INPP4B: variants seen among roughly 807,000 people sequenced by gnomAD.
INPP4B encodes the protein inositol polyphosphate-4-phosphatase type II B.
A neutral mutation model predicts 122.5 loss-of-function variants in INPP4B; 55 were observed. That is an observed-to-expected ratio of 0.45 (90% CI 0.36 to 0.56). The LOEUF is 0.56. Ranked by LOEUF, INPP4B falls within the 20% of genes least tolerant of loss-of-function variation. INPP4B has a pLI of 0.00. For missense variants in INPP4B, 1,000 were observed against 1,097.7 expected, an observed-to-expected ratio of 0.91 and a Z score of 1.26; for synonymous variants, 403 against 388.7, an observed-to-expected ratio of 1.04 and a Z score of -0.43.
intron 15 of INPP4B, among the ~76,000 whole-genome samples, chr4:142,183,908 G>T (rs1831994428): frequency 6.6e-6 from 1 of 151,634 alleles, no homozygotes; most frequent in Non-Finnish European, 1.5e-5. Flanking sequence ...TCTTCTTGTT[G>T]ATTTTTTTTT....
chr4:142,757,852 A>G (rs1770729776), intron 1 of INPP4B, among the ~76,000 whole-genome samples: 2 of 152,168 alleles, frequency 1.3e-5, no homozygotes, highest in Non-Finnish European at 2.9e-5. Context: ...AAGCATTTTC[A>G]CTATTTTGTA....
intron 23 of INPP4B, among the ~76,000 whole-genome samples, chr4:142,097,284 C>T (rs932386097): frequency 3.6e-4 from 27 of 74,380 alleles, no homozygotes; most frequent in Non-Finnish European, 6.6e-4. Flanking sequence ...GACGGAGTTT[C>T]GCTCTTGTTG....
At chr4:142,108,968 A>G (rs1232933843) in intron 22 of INPP4B, among the ~76,000 whole-genome samples, 1 of 152,138 alleles carries the variant, frequency 6.6e-6, no homozygotes, top group African/African-American at 2.4e-5. Flanking sequence ...ACTCCACTTC[A>G]AATATAACAT....
chr4:142,457,640 A>C lies in INPP4B; in HGVS notation c.-127+5023T>G, dbSNP rs192667119. Among the ~76,000 whole-genome samples the C allele has an allele frequency of 3.8e-3, 585 of 152,356 alleles. 4 individuals are homozygous for C. Among genetic ancestry groups the C allele is most frequent in the Admixed American group, 0.011 (170 of 15,302 alleles). Reference sequence around the variant, plus strand: ...ACTATCAATCATTCTCAAGACTGACAATACCAATCTCTGGTAAGGGTGTTA... The same window carrying C: ...ACTATCAATCATTCTCAAGACTGACCATACCAATCTCTGGTAAGGGTGTTA... On this transcript the variant is annotated intron_variant, in intron 3 of 25. Transcript: ENST00000262992.
intron 2 of INPP4B, among the ~76,000 whole-genome samples, chr4:142,579,076 G>A (rs1198397248): frequency 6.6e-6 from 1 of 151,958 alleles, no homozygotes; most frequent in Non-Finnish European, 1.5e-5. Context: ...GAACATCTGC[G>A]TTCATTTATT....
At chr4:142,127,977 T>C (rs1212800870) in intron 18 of INPP4B, among the ~76,000 whole-genome samples, 1 of 152,076 alleles carries the variant, frequency 6.6e-6, no homozygotes, top group South Asian at 2.1e-4. Context: ...TTTGCTCCAA[T>C]GAACATCCCA....
intron 2 of INPP4B, among the ~76,000 whole-genome samples, chr4:142,573,406 C>T (rs778349011): frequency 1.3e-5 from 2 of 152,030 alleles, no homozygotes; most frequent in African/African-American, 2.4e-5. Context: ...GTCTTGCATC[C>T]ATATCAGAGA....
intron 2 of INPP4B, among the ~76,000 whole-genome samples, chr4:142,707,582 C>T (rs1023267412): frequency 1.4e-4 from 21 of 152,366 alleles, no homozygotes; most frequent in Non-Finnish European, 2.4e-4. Flanking sequence ...CACCCTCTTC[C>T]TCCTGCTCTA....
intron 2 of INPP4B, among the ~76,000 whole-genome samples, chr4:142,566,750 G>A (rs1243147195): frequency 6.6e-6 from 1 of 152,130 alleles, no homozygotes; most frequent in Non-Finnish European, 1.5e-5. Context: ...CCCATATAAT[G>A]TTCTGTGTGT....
At chr4:142,762,808 A>T (rs1442055142) in intron 1 of INPP4B, among the ~76,000 whole-genome samples, 1 of 152,196 alleles carries the variant, frequency 6.6e-6, no homozygotes, top group African/African-American at 2.4e-5. Flanking sequence ...CTGAGTGTTG[A>T]AACTTGATTG....
chr4:142,803,661 A>AC (rs1491386382), intron 1 of INPP4B, among the ~76,000 whole-genome samples: 38 of 136,370 alleles, frequency 2.8e-4, no homozygotes, highest in African/African-American at 1.1e-3. Flanking sequence ...AAAAAAAAAA[A>AC]CAAAAACAAA....
chr4:142,723,030 A>G (rs1764887463), intron 2 of INPP4B, among the ~76,000 whole-genome samples: 1 of 68,112 alleles, frequency 1.5e-5, no homozygotes, highest in Admixed American at 1.8e-4. Flanking sequence ...CATTTCCTAC[A>G]TCAAATAAAC....
At chr4:142,589,220 C>T (rs557025290) in intron 2 of INPP4B, among the ~76,000 whole-genome samples, 35 of 152,080 alleles carry the variant, frequency 2.3e-4, no homozygotes, top group Middle Eastern at 3.4e-3. Flanking sequence ...AAGCTATACT[C>T]GATGTCCTTT....
intron 21 of INPP4B, among the ~76,000 whole-genome samples, chr4:142,116,670 A>T (rs1183055080): frequency 6.6e-6 from 1 of 152,218 alleles, no homozygotes; most frequent in Non-Finnish European, 1.5e-5. Flanking sequence ...CAGTGTGTAG[A>T]GGGAAATGTA....
At chr4:142,812,269 G>A (rs1779606967) in intron 1 of INPP4B, among the ~76,000 whole-genome samples, 1 of 152,130 alleles carries the variant, frequency 6.6e-6, no homozygotes, top group African/African-American at 2.4e-5. Context: ...TGAAGAAAGA[G>A]TTTGAAGTTT....
intron 9 of INPP4B, among the ~76,000 whole-genome samples, chr4:142,284,089 C>A (rs556614794): frequency 6.6e-6 from 1 of 152,162 alleles, no homozygotes; most frequent in African/African-American, 2.4e-5. Context: ...CTGATCATGA[C>A]AAATGCTGTT....
At chr4:142,619,488 C>T (rs1744416171) in intron 2 of INPP4B, among the ~76,000 whole-genome samples, 3 of 151,900 alleles carry the variant, frequency 2.0e-5, no homozygotes, top group African/African-American at 7.3e-5. Flanking sequence ...AAGCCAGTCA[C>T]AGAAGAATAA....
At chr4:142,307,379 T>C (rs897693150) in intron 8 of INPP4B, among the ~76,000 whole-genome samples, 4 of 152,156 alleles carry the variant, frequency 2.6e-5, no homozygotes, top group African/African-American at 9.7e-5. Flanking sequence ...ATATATTTAT[T>C]TTGCACCTCT....
At chr4:142,132,859 C>A (rs1375910807) in intron 18 of INPP4B, among the ~76,000 whole-genome samples, 1 of 152,186 alleles carries the variant, frequency 6.6e-6, no homozygotes, top group Non-Finnish European at 1.5e-5. Flanking sequence ...TTTCCTTTCA[C>A]AATGAAAGTT....
Sources: gnomAD v4.1 joint callset for allele counts (sites outside exome capture counted in the v4.1 genomes callset) on GRCh38, gnomAD v4.1.1 for gene constraint, MANE v1.5 for transcripts, NCBI Gene and HGNC (gene_info 2026-07-23, HGNC 2026-07-21) for gene names.